Variants in ASTN1 observed in about 807,000 individuals in gnomAD.
ASTN1 encodes the protein astrotactin-1.
Under a neutral mutation model 140.7 loss-of-function variants are expected in ASTN1, and 41 were observed. The ratio of observed to expected loss-of-function variants is 0.29; its 90% confidence interval spans 0.23 to 0.38. The LOEUF (loss-of-function observed/expected upper bound fraction) is 0.38. Ranked by LOEUF, ASTN1 falls within the 10% of genes least tolerant of loss-of-function variation. The pLI is 1.00. For synonymous variants in ASTN1, 640 were observed against 652.2 expected, an observed-to-expected ratio of 0.98 and a Z score of 0.29; for missense variants, 1,479 against 1,678.8, an observed-to-expected ratio of 0.88 and a Z score of 2.08.
intron 2 of ASTN1, among the ~76,000 whole-genome samples, chr1:177,055,013 C>G (rs918112462): frequency 3.3e-5 from 5 of 152,158 alleles, no homozygotes; most frequent in African/African-American, 1.2e-4. Flanking sequence ...TCTCTTTTAT[C>G]TCTATATAAA....
At chr1:177,028,084 C>T (rs1676218401) in intron 5 of ASTN1, among the ~76,000 whole-genome samples, 5 of 152,100 alleles carry the variant, frequency 3.3e-5, no homozygotes, top group Admixed American at 3.3e-4. Context: ...TAGGCATTCC[C>T]CACCCCTAAG....
At chr1:177,047,182 C>T (rs1363885718) in intron 2 of ASTN1, among the ~76,000 whole-genome samples, 2 of 152,074 alleles carry the variant, frequency 1.3e-5, no homozygotes, top group Non-Finnish European at 1.5e-5. Context: ...TTCACCCAGC[C>T]CAGAGAGAAA....
chr1:177,032,630 G>C lies in ASTN1; in HGVS notation c.691C>G (p.Leu231Val). The C allele has an allele frequency of 6.2e-7, 1 of 1,614,206 alleles. No individual in the cohort carries two copies. Among genetic ancestry groups the C allele is most frequent in the African/African-American group, 1.3e-5 (1 of 75,050 alleles). The change falls in exon 3 of 23, where the codon CTG becomes GTG. Residue 231 changes from leucine to valine, a missense_variant. By Grantham distance (32) the Leu-to-Val change is conservative (BLOSUM62 1). Coordinates refer to ENST00000361833, the MANE Select transcript of ASTN1 (RefSeq NM_004319.3). ...RVQGHNSSGT[L>V]SIRETPILDG... The stretch of plus-strand genomic sequence containing the variant: ...AGGATAGGTGTCTCCCGGATGCTCA[G>C]GGTGCCACTGGAGTTGTGGCCCTGC...
intron 20 of ASTN1, among the ~76,000 whole-genome samples, chr1:176,878,008 T>A (rs980340997): frequency 1.3e-5 from 2 of 152,080 alleles, no homozygotes; most frequent in South Asian, 4.1e-4. Context: ...CACAAAGACA[T>A]CCACAGAATG....
Position 176,948,655 on chromosome 1 carries a change from A to G in ASTN1, c.2054+530T>C, listed in dbSNP as rs73047980. ...GAGGTGGGTGGGAGAGCCTGCCTGC[A>G]AGAAAGGGCTCTTCACACGGAGGAA... On this transcript the variant is annotated intron_variant, in intron 12 of 22. Transcript: ENST00000361833. 3.4e-3 allele frequency among the ~76,000 whole-genome samples: 512 copies of G among 152,250 alleles called. 3 individuals are homozygous for G. The highest frequency in any genetic ancestry group is 8.2e-3 in the African/African-American group (341 of 41,560).
intron 8 of ASTN1, among the ~76,000 whole-genome samples, chr1:177,000,908 T>C (rs915892415): frequency 3.9e-5 from 6 of 152,214 alleles, no homozygotes; most frequent in African/African-American, 1.4e-4. Flanking sequence ...ATTATGACCT[T>C]GAGGTGGGCT....
At position 176,957,798 on chromosome 1, in the gene ASTN1, G is replaced by C; in HGVS notation, c.1767C>G (p.Asp589Glu). 1 of 1,614,046 alleles carries C rather than the reference G, an allele frequency of 6.2e-7. No individual in the cohort carries two copies. Among genetic ancestry groups the C allele is most frequent in the Non-Finnish European group, 8.5e-7 (1 of 1,179,956 alleles). Residue 589 changes from aspartate (D) to glutamate (E), a missense_variant, in exon 11 of 23, where the codon GAC (aspartate) becomes GAG (glutamate). Physicochemically the swap from Asp to Glu is conservative, Grantham distance 45 (BLOSUM62 2). Transcript: ENST00000361833. ...AGGAATCTAAGAGAACCTCCAGGCTGTCGAAGGAGGATGAAGTCATCAGCT... is the reference window on the plus strand; with the variant it reads ...AGGAATCTAAGAGAACCTCCAGGCTCTCGAAGGAGGATGAAGTCATCAGCT... ...REELMTSSSF[D>E]SLEVLLDSFG...
intron 16 of ASTN1, among the ~76,000 whole-genome samples, chr1:176,907,869 T>C (rs1164417630): frequency 6.6e-6 from 1 of 152,204 alleles, no homozygotes; most frequent in Non-Finnish European, 1.5e-5. Flanking sequence ...GAAAACTTTA[T>C]CATTATGTCC....
chr1:176,910,456 C>T (rs558246877), intron 16 of ASTN1, among the ~76,000 whole-genome samples: 4 of 152,302 alleles, frequency 2.6e-5, no homozygotes, highest in African/African-American at 4.8e-5. Context: ...TCACAAGATA[C>T]GATGCTGGTC....
intron 8 of ASTN1, among the ~76,000 whole-genome samples, chr1:177,006,729 T>C (rs904679179): frequency 6.6e-6 from 1 of 152,168 alleles, no homozygotes; most frequent in East Asian, 1.9e-4. Context: ...CTGTTTAAAA[T>C]AAGTCTCTTG....
At chr1:176,967,597 T>C (rs1672939838) in intron 8 of ASTN1, among the ~76,000 whole-genome samples, 2 of 152,224 alleles carry the variant, frequency 1.3e-5, no homozygotes, top group African/African-American at 4.8e-5. Context: ...GCATAGTTTC[T>C]AGGTTGTTTG....
intron 1 of ASTN1, among the ~76,000 whole-genome samples, chr1:177,134,154 G>A (rs1682067037): frequency 6.6e-6 from 1 of 152,170 alleles, no homozygotes; most frequent in South Asian, 2.1e-4. Flanking sequence ...TGCTTCCAAG[G>A]AGCACTGAGA....
intron 1 of ASTN1, among the ~76,000 whole-genome samples, chr1:177,139,637 T>C (rs1682370735): frequency 6.6e-6 from 1 of 152,182 alleles, no homozygotes; most frequent in Non-Finnish European, 1.5e-5. Flanking sequence ...TTTTAGTATT[T>C]ATCTGATAGT....
At chr1:177,144,563 T>C (rs1224775442) in intron 1 of ASTN1, among the ~76,000 whole-genome samples, 2 of 148,854 alleles carry the variant, frequency 1.3e-5, no homozygotes, top group Non-Finnish European at 3.0e-5. Flanking sequence ...TGGAACTCAA[T>C]GATTTTAAGT....
intron 1 of ASTN1, among the ~76,000 whole-genome samples, chr1:177,089,635 G>A (rs1292476622): frequency 6.6e-6 from 1 of 151,946 alleles, no homozygotes; most frequent in Non-Finnish European, 1.5e-5. Context: ...ATGCATGAAG[G>A]GCTGTTTTGT....
At chr1:176,933,292 C>T (rs1671285991) in intron 16 of ASTN1, among the ~76,000 whole-genome samples, 1 of 152,206 alleles carries the variant, frequency 6.6e-6, no homozygotes, top group Admixed American at 6.5e-5. Context: ...AACAGAGGTC[C>T]CTTGTCTCAG....
intron 2 of ASTN1, among the ~76,000 whole-genome samples, chr1:177,051,381 T>C (rs1228703871): frequency 6.6e-6 from 1 of 152,220 alleles, no homozygotes; most frequent in Admixed American, 6.5e-5. Context: ...AAATAAAGTT[T>C]ATTGAAACAC....
Position 176,882,918 on chromosome 1 carries a change from G to T in ASTN1, c.3303C>A (p.Asp1101Glu). The T allele has an allele frequency of 6.2e-7, 1 of 1,614,164 alleles. No individual in the cohort carries two copies. The highest frequency in any genetic ancestry group is 8.5e-7 in the Non-Finnish European group (1 of 1,180,030). ...SPCAMPSQVP[D>E]KQLTTISLII... ...TCAGAGAGATGGTGGTGAGCTGCTT[G>T]TCCGGCACCTGAGATGGCATTGCAC... is the stretch of plus-strand genomic sequence containing the variant. Residue 1101 changes from aspartate to glutamate, a missense_variant, in exon 20 of 23, where the codon GAC (aspartate) becomes GAA (glutamate). By Grantham distance (45) the Asp-to-Glu change is conservative. Coordinates refer to ENST00000361833, the MANE Select transcript of ASTN1 (RefSeq NM_004319.3).
At chr1:177,126,484 G>A (rs1681655502) in intron 1 of ASTN1, among the ~76,000 whole-genome samples, 1 of 152,158 alleles carries the variant, frequency 6.6e-6, no homozygotes, top group Non-Finnish European at 1.5e-5. Flanking sequence ...CACTGCAGGA[G>A]CCAGGTGATG....
Sources: gnomAD v4.1 joint callset for allele counts (sites outside exome capture counted in the v4.1 genomes callset) on GRCh38, gnomAD v4.1.1 for gene constraint, MANE v1.5 for transcripts, NCBI Gene and HGNC (gene_info 2026-07-23, HGNC 2026-07-21) for gene names.